CNGB1: variants seen among roughly 807,000 people sequenced by gnomAD.
CNGB1 encodes the protein cyclic nucleotide gated channel subunit beta 1, also known as cyclic nucleotide-gated channel beta-1.
A neutral mutation model predicts 151.7 loss-of-function variants in CNGB1; 126 were observed. The observed-to-expected ratio is 0.83, with a 90% CI of 0.72 to 0.96. The LOEUF (loss-of-function observed/expected upper bound fraction) is 0.96. Among genes scored for constraint, CNGB1 ranks in the 40% least tolerant of loss-of-function variants. The pLI is 0.00. For missense variants in CNGB1, 1,698 were observed against 1,627.0 expected (o/e 1.04, Z -0.75); for synonymous variants, 623 against 635.1 (o/e 0.98, Z 0.29).
At position 57,942,812 on chromosome 16, in the gene CNGB1, G is replaced by C. The variant is rs758406190; in HGVS notation, c.1122-2491C>G. 4.0e-5 allele frequency among the ~76,000 whole-genome samples: 6 copies of C among 150,884 alleles called. No homozygotes were observed. In the East Asian group the frequency reaches 1.2e-3, roughly 29 times the overall value. On this transcript the variant is annotated intron_variant, in intron 14 of 32. Coordinates refer to ENST00000251102, the MANE Select transcript of CNGB1 (RefSeq NM_001297.5). ...TGGGAGGTGGAGGCTGCAGTGAGCC[G>C]TGATTGCACCACTGTACTCCAGCCT...
At chr16:57,910,020 TCATCATTGTCACCATCAC>T (rs2149361189) in intron 25 of CNGB1, among the ~76,000 whole-genome samples, 1 of 152,360 alleles carries the variant, frequency 6.6e-6, no homozygotes, top group East Asian at 1.9e-4. Context: ...GCTATTATCA[TCATCATTGTCACCATCAC>T]CACCATTGTA....
chr16:57,907,493 C>T (rs3784895), intron 25 of CNGB1, among the ~76,000 whole-genome samples: 62,398 of 152,154 alleles, frequency 0.41, 13,584 homozygotes, highest in Middle Eastern at 0.59. Context: ...GCACAGGGGC[C>T]ACTGACTCCT....
intron 11 of CNGB1, among the ~76,000 whole-genome samples, chr16:57,958,035 C>T (rs1172639099): frequency 6.6e-6 from 1 of 152,198 alleles, no homozygotes; most frequent in Non-Finnish European, 1.5e-5. Flanking sequence ...CAGGAATGCA[C>T]ATAGGGCTGC....
intron 20 of CNGB1, among the ~76,000 whole-genome samples, chr16:57,918,180 G>T (rs1300892563): frequency 6.6e-6 from 1 of 151,290 alleles, no homozygotes; most frequent in Non-Finnish European, 1.5e-5. Flanking sequence ...TCACTATGTT[G>T]CCCAGGCTGA....
At position 57,884,091 on chromosome 16, in the gene CNGB1, TGGGGCGCA is replaced by T. The variant is rs1182370211; in HGVS notation, c.*65_*72del. The T allele has an allele frequency of 1.1e-5, 17 of 1,604,478 alleles. No individual in the cohort carries two copies. The East Asian group carries it at 3.8e-4, about 36-fold the overall frequency. ...TGAGCCGTGGGGGAAGGTGGGGCGC[TGGGGCGCA>T]GGGGCGCAGCGGGCGCTGGGGACAC... is the stretch of plus-strand genomic sequence containing the variant. On this transcript the variant is annotated 3_prime_UTR_variant, in exon 33 of 33. Coordinates refer to ENST00000251102, the MANE Select transcript of CNGB1 (RefSeq NM_001297.5).
rs151016462 is a variant in CNGB1 at position 57,911,656 on chromosome 16, G to A, written c.2492+97C>T. ...GGAGCAAAGTGGCCTTGGCAATACA[G>A]CAGCAATAAGACTCCTTCCTGGAGT... On this transcript the variant is annotated intron_variant, in intron 25 of 32. Coordinates refer to ENST00000251102, the MANE Select transcript of CNGB1 (RefSeq NM_001297.5). 2.6e-3 allele frequency: 4,008 copies of A among 1,545,530 alleles called. 11 individuals are homozygous for A. The highest frequency in any genetic ancestry group is 5.0e-3 in the Middle Eastern group (23 of 4,612).
chr16:57,899,571 C>T (rs1428587721), intron 29 of CNGB1, among the ~76,000 whole-genome samples: 2 of 152,040 alleles, frequency 1.3e-5, no homozygotes, highest in African/African-American at 4.8e-5. Context: ...ACCCAGGAGG[C>T]GGAGGTTGCA....
At position 57,964,167 on chromosome 16, in the gene CNGB1, G is replaced by A. The variant is rs1450804430; in HGVS notation, c.253C>T (p.Leu85Phe). ...GAAATCTCAGCGCCCTGGGCCCGGA[G>A]GGATATGGTGGAAGTAAGGGCAGCC... Reference protein sequence around the residue: ...KEAALTSTISLRAQGAEISEM... With the variant: ...KEAALTSTISFRAQGAEISEM... The change falls in exon 4 of 33, where the codon CTC (leucine) becomes TTC (phenylalanine). Residue 85 changes from leucine (L) to phenylalanine (F), a missense_variant. By Grantham distance (22) the Leu-to-Phe change is conservative. Transcript: ENST00000251102. The A allele has an allele frequency of 1.2e-6, 2 of 1,614,182 alleles. No individual in the cohort carries two copies. Among genetic ancestry groups the A allele is most frequent in the African/African-American group, 1.3e-5 (1 of 75,052 alleles).
intron 24 of CNGB1, 54 bp from the exon 25 acceptor site, chr16:57,911,929 T>C: frequency 6.2e-7 from 1 of 1,604,460 alleles, no homozygotes; most frequent in Non-Finnish European, 8.5e-7. Context: ...AGGTGAGGTA[T>C]AGACACCTGG....
At chr16:57,960,769 G>A (rs902245530) in intron 8 of CNGB1, 71 bp downstream of exon 8, 11 of 1,504,396 alleles carry the variant, frequency 7.3e-6, no homozygotes, top group Non-Finnish European at 1.0e-5. Context: ...TGCTGGAGGA[G>A]GCAGTCCCTC....
chr16:57,946,474 A>G (rs372904701), intron 14 of CNGB1: 2 of 152,322 alleles, frequency 1.3e-5, no homozygotes, highest in African/African-American at 2.4e-5. Flanking sequence ...GGGTCGGTGC[A>G]TGCAAGTGGG....
rs144841983 is a variant in CNGB1, at chr16:57,903,349, A to T, written c.2794+473T>A. Reference sequence around the variant, plus strand: ...TCTACTAATAATATAAAAATGAGCCAGGCATGGTGGCACATGCCTGTAATC... The same window carrying T: ...TCTACTAATAATATAAAAATGAGCCTGGCATGGTGGCACATGCCTGTAATC... On this transcript the variant is annotated intron_variant, in intron 27 of 32. Transcript: ENST00000251102. 3.9e-3 allele frequency among the ~76,000 whole-genome samples: 589 copies of T among 152,070 alleles called. 3 individuals are homozygous for T. The highest frequency in any genetic ancestry group is 0.013 in the African/African-American group (543 of 41,500).
chr16:57,963,111 A>C, intron 4 of CNGB1, 47 bp from the exon 5 acceptor site: 21 of 1,423,420 alleles, frequency 1.5e-5, no homozygotes, highest in Non-Finnish European at 1.9e-5. Context: ...CCCCTAGCTC[A>C]ATGAGGCCCT....
chr16:57,942,482 TATAAA>T (rs1350122968), intron 14 of CNGB1, among the ~76,000 whole-genome samples: 2 of 152,116 alleles, frequency 1.3e-5, no homozygotes, highest in African/African-American at 2.4e-5. Flanking sequence ...TTACAATAGC[TATAAA>T]ATAAAATAAA....
intron 30 of CNGB1, 112 bp from the exon 31 acceptor site, chr16:57,897,655 C>A (rs1960271047): frequency 6.4e-7 from 1 of 1,563,572 alleles, no homozygotes; most frequent in South Asian, 1.1e-5. Flanking sequence ...AGATGAGAAC[C>A]TTCCCCCGCC....
In CNGB1 at chr16:57,940,264, G is replaced by T. The variant is rs377042647; in HGVS notation, c.1179C>A (p.Asp393Glu). 6.3e-7 allele frequency: 1 copy of T among 1,578,016 alleles called. No individual in the cohort carries two copies. Among genetic ancestry groups the T allele is most frequent in the Non-Finnish European group, 8.6e-7 (1 of 1,162,038 alleles). The change falls in exon 15 of 33, where the codon GAC becomes GAA. Residue 393 changes from aspartate (D) to glutamate (E), a missense_variant. Asp to Glu is a conservative substitution (Grantham distance 45). Coordinates refer to ENST00000251102, the MANE Select transcript of CNGB1 (RefSeq NM_001297.5). ...CTGAAGTGCTCTGGGGCCGGGTCCC[G>T]TCTTCTTCACTCTGGCCCACGCCCA... ...SQVGVGQSEE[D>E]GTRPQSTSDQ...
intron 14 of CNGB1, among the ~76,000 whole-genome samples, chr16:57,946,093 C>G (rs1961801925): frequency 6.6e-6 from 1 of 152,156 alleles, no homozygotes; most frequent in South Asian, 2.1e-4. Flanking sequence ...AGCAAGCCAT[C>G]AACTTCCAGA....
intron 23 of CNGB1, 64 bp downstream of exon 23, chr16:57,915,185 T>C (rs1960829279): frequency 1.5e-6 from 2 of 1,345,718 alleles, no homozygotes; most frequent in East Asian, 2.3e-5. Context: ...GACACGAAGA[T>C]GCCAGTGTCG....
At chr16:57,922,117 T>C (rs1596981649) in intron 18 of CNGB1, among the ~76,000 whole-genome samples, 1 of 152,306 alleles carries the variant, frequency 6.6e-6, no homozygotes, top group South Asian at 2.1e-4. Flanking sequence ...GGTTGGGGCT[T>C]CTTCTTGCTT....
Sources: gnomAD v4.1 joint callset for allele counts (sites outside exome capture counted in the v4.1 genomes callset) on GRCh38, gnomAD v4.1.1 for gene constraint, MANE v1.5 for transcripts, NCBI Gene and HGNC (gene_info 2026-07-23, HGNC 2026-07-21) for gene names.